The following KCTD16 variants were observed in gnomAD, a reference collection of about 807,000 sequenced individuals.
KCTD16 encodes BTB/POZ domain-containing protein KCTD16.
A neutral mutation model predicts 33.2 loss-of-function variants in KCTD16; 13 were observed. The observed-to-expected ratio is 0.39, with a 90% confidence interval of 0.25 to 0.62. The LOEUF (loss-of-function observed/expected upper bound fraction) is 0.62, where lower values mean the gene tolerates loss of function less well. Ranked by LOEUF, KCTD16 falls within the 20% of genes least tolerant of loss-of-function variation. KCTD16 has a pLI of 0.50. For missense variants in KCTD16, 441 were observed against 525.1 expected, an observed-to-expected ratio of 0.84 and a Z score of 1.57; for synonymous variants, 197 against 195.3, an observed-to-expected ratio of 1.01 and a Z score of -0.07.
chr5:144,427,316 C>G (rs147469247), intron 3 of KCTD16, among the ~76,000 whole-genome samples: 1 of 152,022 alleles, frequency 6.6e-6, no homozygotes, highest in Admixed American at 6.6e-5. Context: ...CAAGGGCTAG[C>G]CTCAATCAAA....
In KCTD16 at chr5:144,288,568, G is replaced by A. The variant is rs528772282; in HGVS notation, c.832+81022G>A. Among the ~76,000 whole-genome samples, 18 of 152,250 alleles carry A rather than the reference G, an allele frequency of 1.2e-4. No individual in the cohort carries two copies. In the East Asian group the frequency reaches 3.1e-3, roughly 26 times the overall value. ...TCAGATTTAGGCATGTTTAGTACTT[G>A]TCCTTGAATCTAGGTGAGAAAAAAG... is the stretch of plus-strand genomic sequence containing the variant. On this transcript the variant is annotated intron_variant, in intron 3 of 3. Coordinates refer to ENST00000512467, the MANE Select transcript of KCTD16 (RefSeq NM_020768.4).
intron 3 of KCTD16, among the ~76,000 whole-genome samples, chr5:144,270,868 A>G (rs116191063): frequency 0.017 from 2,562 of 152,088 alleles, 33 homozygotes; most frequent in Middle Eastern, 0.048. Flanking sequence ...AAGAAAAAAG[A>G]TTGTAAGAGA....
At chr5:144,282,321 G>A (rs905812356) in intron 3 of KCTD16, among the ~76,000 whole-genome samples, 3 of 151,950 alleles carry the variant, frequency 2.0e-5, no homozygotes. Flanking sequence ...CCCCAGAGAG[G>A]GCATAAAACT....
chr5:144,185,228 A>T (rs1272548079), intron 2 of KCTD16, among the ~76,000 whole-genome samples: 1 of 152,192 alleles, frequency 6.6e-6, no homozygotes, highest in Non-Finnish European at 1.5e-5. Context: ...TAACCACAAC[A>T]TTATTTTGCC....
chr5:144,270,044 T>C (rs1750919295), intron 3 of KCTD16, among the ~76,000 whole-genome samples: 1 of 151,662 alleles, frequency 6.6e-6, no homozygotes, highest in Non-Finnish European at 1.5e-5. Context: ...CAACTAATTA[T>C]AAAAGAAAAC....
intron 3 of KCTD16, among the ~76,000 whole-genome samples, chr5:144,289,591 T>G (rs1175539642): frequency 6.6e-6 from 1 of 152,202 alleles, no homozygotes; most frequent in Non-Finnish European, 1.5e-5. Context: ...CTTAGCAAAG[T>G]ATAAAGCCAC....
chr5:144,223,525 T>C (rs549595144), intron 3 of KCTD16, among the ~76,000 whole-genome samples: 1 of 152,266 alleles, frequency 6.6e-6, no homozygotes, highest in South Asian at 2.1e-4. Context: ...TCTTCCTGAC[T>C]TGTGTAATAA....
At chr5:144,450,273 C>T (rs1201590905) in intron 3 of KCTD16, among the ~76,000 whole-genome samples, 2 of 151,938 alleles carry the variant, frequency 1.3e-5, no homozygotes, top group African/African-American at 4.8e-5. Flanking sequence ...TGTTAAATGA[C>T]TATTATCAAA....
Position 144,479,466 on chromosome 5 carries a change from G to T in KCTD16, c.*5352G>T, listed in dbSNP as rs1410202263. On this transcript the variant is annotated 3_prime_UTR_variant, in exon 4 of 4. Transcript: ENST00000512467. ...CCCTATTCATTTAACAGAGTAACTGGATACATACCAAATTCCCACGTTATA... is the reference window on the plus strand; with the variant it reads ...CCCTATTCATTTAACAGAGTAACTGTATACATACCAAATTCCCACGTTATA... 6.6e-6 allele frequency: 1 copy of T among 151,674 alleles called. No homozygotes were observed. Among genetic ancestry groups the T allele is most frequent in the African/African-American group, 2.4e-5 (1 of 41,322 alleles). The allele number at this position is 151,674 out of a possible 1,614,324, so 9.4% of individuals were successfully genotyped here.
intron 3 of KCTD16, among the ~76,000 whole-genome samples, chr5:144,386,111 T>C (rs977257008): frequency 3.3e-5 from 5 of 152,196 alleles, no homozygotes; most frequent in African/African-American, 1.2e-4. Context: ...GTGTATTAGA[T>C]TGGCAGAAAA....
At chr5:144,191,047 T>C (rs1190483699) in intron 2 of KCTD16, among the ~76,000 whole-genome samples, 1 of 152,232 alleles carries the variant, frequency 6.6e-6, no homozygotes, top group African/African-American at 2.4e-5. Context: ...AAATGGGTAA[T>C]AGAGCAGCTT....
chr5:144,256,872 A>G (rs1754863547), intron 3 of KCTD16, among the ~76,000 whole-genome samples: 1 of 152,152 alleles, frequency 6.6e-6, no homozygotes, highest in Non-Finnish European at 1.5e-5. Context: ...GACAGATCAG[A>G]TAAGGTATGA....
chr5:144,213,870 C>T (rs559962912), intron 3 of KCTD16, among the ~76,000 whole-genome samples: 2 of 152,270 alleles, frequency 1.3e-5, no homozygotes, highest in East Asian at 3.9e-4. Flanking sequence ...TCTAGTATTG[C>T]ACTTCCATTC....
intron 3 of KCTD16, among the ~76,000 whole-genome samples, chr5:144,447,850 C>T (rs996519964): frequency 4.6e-5 from 7 of 152,070 alleles, no homozygotes; most frequent in Admixed American, 3.9e-4. Context: ...GGTTCCCCAA[C>T]TTTGCTCTCT....
intron 3 of KCTD16, among the ~76,000 whole-genome samples, chr5:144,438,627 C>T (rs1441809419): frequency 6.6e-6 from 1 of 152,160 alleles, no homozygotes; most frequent in Non-Finnish European, 1.5e-5. Flanking sequence ...TGCTCTGTAT[C>T]TTTTGAAAAC....
At chr5:144,412,782 T>C (rs1017027155) in intron 3 of KCTD16, among the ~76,000 whole-genome samples, 1 of 151,934 alleles carries the variant, frequency 6.6e-6, no homozygotes, top group Non-Finnish European at 1.5e-5. Context: ...GCTACTTGGG[T>C]AGCTGAGGCA....
At chr5:144,466,997 TTA>T (rs1321727611) in intron 3 of KCTD16, among the ~76,000 whole-genome samples, 2 of 47,236 alleles carry the variant, frequency 4.2e-5, no homozygotes, top group African/African-American at 8.1e-5. Flanking sequence ...ACTATATATA[TTA>T]TATATATTAT....
At chr5:144,230,760 A>C (rs1379489404) in intron 3 of KCTD16, among the ~76,000 whole-genome samples, 1 of 152,216 alleles carries the variant, frequency 6.6e-6, no homozygotes, top group African/African-American at 2.4e-5. Flanking sequence ...ATTAGGAAAA[A>C]GTAGAAGAGA....
chr5:144,282,598 A>T (rs1356723990), intron 3 of KCTD16, among the ~76,000 whole-genome samples: 1 of 152,180 alleles, frequency 6.6e-6, no homozygotes, highest in Non-Finnish European at 1.5e-5. Flanking sequence ...TAGGACTGAG[A>T]GGAAGAAACA....
Sources: gnomAD v4.1 joint callset for allele counts (sites outside exome capture counted in the v4.1 genomes callset) on GRCh38, gnomAD v4.1.1 for gene constraint, MANE v1.5 for transcripts, NCBI Gene and HGNC (gene_info 2026-07-23, HGNC 2026-07-21) for gene names.